Variants in SCARA5 observed in about 807,000 individuals in gnomAD.
SCARA5 encodes the protein scavenger receptor class A member 5.
In SCARA5, 45 loss-of-function variants were observed where a neutral mutation model predicts 46.3. The ratio of observed to expected loss-of-function variants is 0.97; its 90% confidence interval spans 0.76 to 1.24. The LOEUF (loss-of-function observed/expected upper bound fraction) is 1.24. Among genes scored for constraint, SCARA5 ranks in the 50% most tolerant of loss-of-function variants. The pLI, the probability that SCARA5 is intolerant of heterozygous loss-of-function variation, is 0.00. For synonymous variants in SCARA5, 333 were observed against 306.5 expected (o/e 1.09, Z -0.90); for missense variants, 680 against 689.0 (o/e 0.99, Z 0.15).
chr8:27,989,756 T>G (rs1808760238), intron 1 of SCARA5, among the ~76,000 whole-genome samples: 1 of 152,172 alleles, frequency 6.6e-6, no homozygotes, highest in African/African-American at 2.4e-5. Flanking sequence ...TGCAGTGGTG[T>G]CCAGTTCACT....
intron 3 of SCARA5, among the ~76,000 whole-genome samples, chr8:27,955,344 C>A (rs1236506521): frequency 1.3e-5 from 2 of 152,308 alleles, no homozygotes; most frequent in South Asian, 2.1e-4. Context: ...TCCCTGCATC[C>A]CTTGGATTGC....
intron 2 of SCARA5, among the ~76,000 whole-genome samples, chr8:27,986,557 G>A (rs974582895): frequency 6.6e-6 from 1 of 152,188 alleles, no homozygotes; most frequent in African/African-American, 2.4e-5. Flanking sequence ...CTAGGGCTGG[G>A]TGAGCAGGTT....
intron 3 of SCARA5, among the ~76,000 whole-genome samples, chr8:27,957,705 G>A (rs1375371063): frequency 1.3e-5 from 2 of 152,202 alleles, no homozygotes; most frequent in African/African-American, 2.4e-5. Context: ...TAGGCAATGC[G>A]TCTAAGTCTC....
chr8:27,956,756 T>C lies in SCARA5; in HGVS notation c.241+9658A>G, dbSNP rs143608608. On this transcript the variant is annotated intron_variant, in intron 3 of 8. Transcript: ENST00000354914. Reference sequence around the variant, plus strand: ...TAGCAGGGGCCTCTCTTTATTTCTCTTCCCATCTCCCTGTGTCTCATTCGG... The same window carrying C: ...TAGCAGGGGCCTCTCTTTATTTCTCCTCCCATCTCCCTGTGTCTCATTCGG... 6.3e-3 allele frequency among the ~76,000 whole-genome samples: 965 copies of C among 152,306 alleles called. 14 individuals carry two copies. The highest frequency in any genetic ancestry group is 0.023 in the African/African-American group (936 of 41,566).
intron 2 of SCARA5, among the ~76,000 whole-genome samples, chr8:27,972,328 A>G (rs2685395): frequency 0.54 from 81,883 of 151,700 alleles, 22,276 homozygotes; most frequent in South Asian, 0.62. Context: ...AAAAAACAAA[A>G]CAAAACAAAA....
At chr8:27,910,664 C>G (rs970499208) in intron 4 of SCARA5, among the ~76,000 whole-genome samples, 2 of 152,166 alleles carry the variant, frequency 1.3e-5, no homozygotes, top group African/African-American at 2.4e-5. Context: ...AGGTGAGACC[C>G]CTGGATGAGG....
At chr8:27,937,767 C>G (rs1046999834) in intron 3 of SCARA5, among the ~76,000 whole-genome samples, 1 of 152,208 alleles carries the variant, frequency 6.6e-6, no homozygotes, top group African/African-American at 2.4e-5. Context: ...GCTGCCTTCT[C>G]TCTTGCCCTC....
At chr8:27,925,436 T>C (rs879543175) in intron 3 of SCARA5, among the ~76,000 whole-genome samples, 20 of 152,214 alleles carry the variant, frequency 1.3e-4, no homozygotes, top group East Asian at 3.8e-4. Flanking sequence ...GCTAGCCATA[T>C]GTAGAAGGCT....
At chr8:27,883,149 A>G (rs1215941639) in intron 7 of SCARA5, among the ~76,000 whole-genome samples, 1 of 152,220 alleles carries the variant, frequency 6.6e-6, no homozygotes, top group Non-Finnish European at 1.5e-5. Flanking sequence ...GGCTGGAGGA[A>G]ATGAAAAATC....
chr8:27,875,699 C>A (rs542144219), intron 8 of SCARA5, among the ~76,000 whole-genome samples: 1 of 152,210 alleles, frequency 6.6e-6, no homozygotes, highest in Admixed American at 6.5e-5. Flanking sequence ...CTAAGGAAAT[C>A]CAGCTTGATT....
intron 2 of SCARA5, among the ~76,000 whole-genome samples, chr8:27,981,162 C>A (rs1808608224): frequency 6.6e-6 from 1 of 152,202 alleles, no homozygotes; most frequent in African/African-American, 2.4e-5. Flanking sequence ...TAACATTATT[C>A]TCACTTTGCA....
intron 7 of SCARA5, among the ~76,000 whole-genome samples, chr8:27,890,460 A>G (rs1351924991): frequency 2.0e-5 from 3 of 152,256 alleles, no homozygotes; most frequent in Admixed American, 6.5e-5. Context: ...TTGTTTGTCC[A>G]TGGCCCCTTA....
At chr8:27,966,737 C>T (rs1242433521) in intron 2 of SCARA5, among the ~76,000 whole-genome samples, 195 bp from the exon 3 acceptor site, 1 of 152,206 alleles carries the variant, frequency 6.6e-6, no homozygotes, top group African/African-American at 2.4e-5. Context: ...TCTAGCTCTC[C>T]TCCCACTCTC....
intron 8 of SCARA5, among the ~76,000 whole-genome samples, chr8:27,877,290 AT>A (rs1312501372): frequency 4.6e-5 from 7 of 152,212 alleles, no homozygotes; most frequent in African/African-American, 1.7e-4. Flanking sequence ...TTAGGGCACC[AT>A]GATAGGGAAA....
intron 2 of SCARA5, among the ~76,000 whole-genome samples, chr8:27,981,286 G>T (rs1048051655): frequency 2.0e-5 from 3 of 152,208 alleles, no homozygotes; most frequent in South Asian, 2.1e-4. Context: ...TGTGGCCAGG[G>T]TGTGACACCC....
intron 4 of SCARA5, among the ~76,000 whole-genome samples, chr8:27,911,372 C>T (rs1807372960): frequency 6.6e-6 from 1 of 152,184 alleles, no homozygotes; most frequent in South Asian, 2.1e-4. Context: ...TCCAAGCTCT[C>T]ACCTCCTGCT....
chr8:27,965,104 G>C (rs1808348281), intron 3 of SCARA5, among the ~76,000 whole-genome samples: 1 of 152,080 alleles, frequency 6.6e-6, no homozygotes, highest in Non-Finnish European at 1.5e-5. Flanking sequence ...GTTGCTGTTG[G>C]CTGCCCCTCA....
intron 2 of SCARA5, among the ~76,000 whole-genome samples, chr8:27,981,644 G>A (rs1260783634): frequency 6.6e-6 from 1 of 152,228 alleles, no homozygotes; most frequent in Non-Finnish European, 1.5e-5. Flanking sequence ...ACTCGTGTGT[G>A]CACCATGGTT....
chr8:27,976,023 C>G (rs113108138), intron 2 of SCARA5, among the ~76,000 whole-genome samples: 1 of 152,188 alleles, frequency 6.6e-6, no homozygotes, highest in African/African-American at 2.4e-5. Context: ...CCATCCATGT[C>G]CCAAGTTACT....
Sources: allele counts gnomAD v4.1 joint callset (sites outside exome capture counted in the v4.1 genomes callset), GRCh38; gene constraint gnomAD v4.1.1; transcripts MANE v1.5; gene names NCBI Gene and HGNC (gene_info 2026-07-23, HGNC 2026-07-21).